Variants in WDR47 observed in about 807,000 individuals in gnomAD.
The protein encoded by WDR47 is WD repeat-containing protein 47.
WDR47 carries 32 observed loss-of-function variants against 97.2 expected under a neutral mutation model. That is an observed-to-expected ratio of 0.33 (90% CI 0.25 to 0.44). The LOEUF is 0.44. Among genes scored for constraint, WDR47 ranks in the 20% least tolerant of loss-of-function variants. The pLI, the probability that WDR47 is intolerant of heterozygous loss-of-function variation, is 1.00. For missense variants in WDR47, 782 were observed against 1,102.3 expected (o/e 0.71, Z 4.11); for synonymous variants, 375 against 373.5 (o/e 1.00, Z -0.05).
Position 109,013,945 on chromosome 1 carries a change from C to T in WDR47, c.243-20G>A. 1 of 1,572,698 alleles carries T rather than the reference C, an allele frequency of 6.4e-7. No individual in the cohort carries two copies. The highest frequency in any genetic ancestry group is 8.7e-7 in the Non-Finnish European group (1 of 1,151,794). On this transcript the variant is annotated intron_variant, in intron 3 of 14. Coordinates refer to ENST00000369962, the MANE Select transcript of WDR47 (RefSeq NM_001142551.2). ...CGAAACCTGTGGGAAAAAAATGAAG[C>T]ATTAATTTTTCCAATGTCTGATGTC...
intron 13 of WDR47, among the ~76,000 whole-genome samples, chr1:108,979,901 G>A (rs1658207306): frequency 6.6e-6 from 1 of 152,170 alleles, no homozygotes; most frequent in Admixed American, 6.5e-5. Context: ...TCTATGGCCT[G>A]TTAGGCACCG....
chr1:108,980,586 G>C (rs769981717), intron 13 of WDR47, among the ~76,000 whole-genome samples: 2 of 151,858 alleles, frequency 1.3e-5, no homozygotes, highest in African/African-American at 4.8e-5. Context: ...AAAATTAGCC[G>C]GGTATGGTGG....
rs536839641 is a variant in WDR47 at position 109,008,196 on chromosome 1, A to G, written c.1130+2720T>C. 2.5e-4 allele frequency among the ~76,000 whole-genome samples: 38 copies of G among 152,284 alleles called. 1 individual carries two copies. In the East Asian group the frequency reaches 7.1e-3, roughly 29 times the overall value. On this transcript the variant is annotated intron_variant, in intron 5 of 14. Transcript: ENST00000369962. ...TCTCCTCTCTAAAGCACATGAAAGA[A>G]AATATCACAACTCTCTCCTCTATAA...
chr1:109,041,149 C>A (rs1192378964), intron 1 of WDR47, among the ~76,000 whole-genome samples: 1 of 151,732 alleles, frequency 6.6e-6, no homozygotes, highest in Non-Finnish European at 1.5e-5. Context: ...CCCCTTTGCC[C>A]ATGGCCTCGC....
In WDR47 at chr1:109,011,278, G is replaced by A; in HGVS notation, c.768C>T (p.Phe256=). The change falls in exon 5 of 15, where the codon TTC becomes TTT. Residue 256 remains phenylalanine (F), a synonymous_variant. Transcript: ENST00000369962. ...GCATTTTCTGTTCAAAAGCACAAGA[G>A]AAGACAGAAGATGGAAGATTCTGAA... The part of the protein sequence containing the change: ...SWLQNLPSSV[F]SCAFEQKMLN... 1 of 1,614,144 alleles carries A rather than the reference G, an allele frequency of 6.2e-7. No individual in the cohort carries two copies. Among genetic ancestry groups the A allele is most frequent in the Non-Finnish European group, 8.5e-7 (1 of 1,180,036 alleles).
rs563801982 is a variant in WDR47, at chr1:108,998,578, G to A, written c.1434-2741C>T. Among the ~76,000 whole-genome samples, 26 of 152,098 alleles carry A rather than the reference G, an allele frequency of 1.7e-4. 1 individual carries two copies. The South Asian group carries it at 4.6e-3, about 27-fold the overall frequency. ...CTGGGATGGGGAAGAGGCTGAATAC[G>A]CCTATTAATTGTCAAATCAATGGTG... On this transcript the variant is annotated intron_variant, in intron 7 of 14. Coordinates refer to ENST00000369962, the MANE Select transcript of WDR47 (RefSeq NM_001142551.2).
chr1:108,990,086 G>A (rs1177525179), intron 9 of WDR47, among the ~76,000 whole-genome samples: 2 of 152,086 alleles, frequency 1.3e-5, no homozygotes, highest in African/African-American at 4.8e-5. Flanking sequence ...ATCAGGTCAG[G>A]TGCAGTGCCT....
At chr1:109,024,552 C>G (rs1204966394) in intron 1 of WDR47, among the ~76,000 whole-genome samples, 1 of 152,158 alleles carries the variant, frequency 6.6e-6, no homozygotes, top group Non-Finnish European at 1.5e-5. Flanking sequence ...ACCTGTAGGT[C>G]TGCTACAACT....
intron 3 of WDR47, among the ~76,000 whole-genome samples, chr1:109,016,200 C>T (rs557033971): frequency 6.6e-6 from 1 of 151,966 alleles, no homozygotes; most frequent in South Asian, 2.1e-4. Context: ...CCCAGAAGTT[C>T]GAGACCAGCC....
At chr1:109,002,527 TA>T in intron 6 of WDR47, 125 bp from the exon 7 acceptor site, 6 of 798,502 alleles carry the variant, frequency 7.5e-6, no homozygotes, top group Non-Finnish European at 1.1e-5. Context: ...ACAAAATACT[TA>T]ATCTATTGCT....
chr1:109,038,712 C>T (rs1437504708), intron 1 of WDR47, among the ~76,000 whole-genome samples: 1 of 152,082 alleles, frequency 6.6e-6, no homozygotes, highest in Non-Finnish European at 1.5e-5. Context: ...TGCAGTGGCT[C>T]ACGCCTGTAA....
intron 2 of WDR47, among the ~76,000 whole-genome samples, chr1:109,021,741 G>A (rs912853262): frequency 2.0e-5 from 3 of 152,016 alleles, no homozygotes; most frequent in Admixed American, 2.0e-4. Context: ...TGGCCAGGCT[G>A]GTCTCGAACT....
intron 4 of WDR47, among the ~76,000 whole-genome samples, chr1:109,013,195 T>A (rs138732236): frequency 6.6e-5 from 10 of 152,302 alleles, no homozygotes; most frequent in African/African-American, 9.6e-5. Flanking sequence ...AATCTGCTGG[T>A]ACCTTGATCT....
intron 13 of WDR47, among the ~76,000 whole-genome samples, chr1:108,976,933 A>T (rs1475054230): frequency 6.6e-6 from 1 of 152,218 alleles, no homozygotes; most frequent in African/African-American, 2.4e-5. Context: ...GGTCGTGATA[A>T]CAAGTGTGTA....
chr1:108,978,794 G>A (rs775716505), intron 13 of WDR47, among the ~76,000 whole-genome samples: 1 of 152,170 alleles, frequency 6.6e-6, no homozygotes, highest in Non-Finnish European at 1.5e-5. Context: ...AGCAAAATTA[G>A]GATATAAAAG....
chr1:108,995,335 T>TA (rs1659666437), intron 8 of WDR47, among the ~76,000 whole-genome samples: 1 of 151,996 alleles, frequency 6.6e-6, no homozygotes, highest in Non-Finnish European at 1.5e-5. Context: ...GGATGGCTTA[T>TA]AAAAAATATA....
chr1:108,988,500 T>C (rs1659036597), intron 9 of WDR47, among the ~76,000 whole-genome samples: 1 of 151,804 alleles, frequency 6.6e-6, no homozygotes, highest in Non-Finnish European at 1.5e-5. Flanking sequence ...TGAAAACCCA[T>C]CTCTACCAAA....
At chr1:108,979,529 CAAAACAAAACAAA>C (rs1374966796) in intron 13 of WDR47, among the ~76,000 whole-genome samples, 5 of 121,588 alleles carry the variant, frequency 4.1e-5, no homozygotes, top group Non-Finnish European at 7.4e-5. Flanking sequence ...TGTCTCAGAA[CAAAACAAAACAAA>C]AAAACAAAAC....
At chr1:109,014,021 T>G in intron 3 of WDR47, 96 bp from the exon 4 acceptor site, 1 of 840,958 alleles carries the variant, frequency 1.2e-6, no homozygotes, top group Non-Finnish European at 1.9e-6. Flanking sequence ...GGAAAATTAT[T>G]CAAATAATTT....
Sources: allele counts gnomAD v4.1 joint callset (sites outside exome capture counted in the v4.1 genomes callset), GRCh38; gene constraint gnomAD v4.1.1; transcripts MANE v1.5; gene names NCBI Gene and HGNC (gene_info 2026-07-23, HGNC 2026-07-21).